The following REV1 variants were observed in gnomAD, a reference collection of about 807,000 sequenced individuals.
REV1 encodes translesion synthesis protein REV1.
Under a neutral mutation model 137.4 loss-of-function variants are expected in REV1, and 42 were observed. The observed-to-expected ratio is 0.31, with a 90% CI of 0.24 to 0.40. The LOEUF (loss-of-function observed/expected upper bound fraction) is 0.40, where lower values mean the gene tolerates loss of function less well. Ranked by LOEUF, REV1 falls within the 10% of genes least tolerant of loss-of-function variation. The probability of loss-of-function intolerance (pLI) is 1.00; values close to 1 mark genes in which losing one functional copy is unlikely to be tolerated. For missense variants in REV1, 1,282 were observed against 1,490.1 expected (o/e 0.86, Z 2.30); for synonymous variants, 524 against 519.2 (o/e 1.01, Z -0.12).
At chr2:99,402,512 T>C (rs1675612600) in intron 21 of REV1, 132 bp downstream of exon 21, 1 of 949,510 alleles carries the variant, frequency 1.1e-6, no homozygotes, top group South Asian at 1.6e-5. Context: ...TTAAAAGATT[T>C]GGGGGTAGCT....
At chr2:99,406,248 T>C (rs1039366766) in intron 16 of REV1, 77 bp downstream of exon 16, 7 of 1,477,982 alleles carry the variant, frequency 4.7e-6, no homozygotes, top group Middle Eastern at 1.8e-4. Flanking sequence ...TAAAGCTGTG[T>C]CAATTTTAAA....
At chr2:99,456,793 TAATG>T (rs1683584131) in intron 3 of REV1, among the ~76,000 whole-genome samples, 1 of 152,210 alleles carries the variant, frequency 6.6e-6, no homozygotes, top group African/African-American at 2.4e-5. Context: ...ATCTGGATCT[TAATG>T]AATGAATATA....
intron 22 of REV1, 69 bp from the exon 23 acceptor site, chr2:99,401,421 T>TA (rs1675383078): frequency 2.8e-6 from 3 of 1,071,784 alleles, no homozygotes; most frequent in Non-Finnish European, 4.1e-6. Context: ...TATTCCTTTT[T>TA]ATATATAAAA....
intron 9 of REV1, among the ~76,000 whole-genome samples, chr2:99,429,457 G>C (rs1264679772): frequency 2.0e-5 from 3 of 151,944 alleles, no homozygotes; most frequent in Non-Finnish European, 4.4e-5. Context: ...CTGAGTATCA[G>C]GAAGTATGGA....
intron 3 of REV1, among the ~76,000 whole-genome samples, chr2:99,458,912 T>A (rs1683831630): frequency 6.6e-6 from 1 of 152,072 alleles, no homozygotes; most frequent in African/African-American, 2.4e-5. Flanking sequence ...ACATGAAAGA[T>A]CTTTGTAGTG....
intron 1 of REV1, among the ~76,000 whole-genome samples, chr2:99,489,142 C>G (rs1007772913): frequency 6.6e-6 from 1 of 152,120 alleles, no homozygotes; most frequent in Non-Finnish European, 1.5e-5. Flanking sequence ...CAGAAGTGGG[C>G]AAGGGGCTCT....
intron 2 of REV1, 120 bp downstream of exon 2, chr2:99,464,802 C>CA: frequency 2.2e-6 from 2 of 915,998 alleles, no homozygotes; most frequent in Non-Finnish European, 3.5e-6. Context: ...TGTGAAAACT[C>CA]AAAGATGTGG....
intron 1 of REV1, among the ~76,000 whole-genome samples, chr2:99,468,047 G>A (rs1182676517): frequency 6.6e-6 from 1 of 152,160 alleles, no homozygotes; most frequent in Admixed American, 6.5e-5. Flanking sequence ...GGGCATGGTG[G>A]CGCATGCCTG....
chr2:99,435,200 C>A lies in REV1; in HGVS notation c.1321+634G>T, dbSNP rs191582822. ...TAAAGTCCTGGTTTTAACACAGCAG[C>A]TTCTGTGCCATAGTGATTCCTTATT... On this transcript the variant is annotated intron_variant, in intron 7 of 22. Transcript: ENST00000258428. Among the ~76,000 whole-genome samples the A allele has an allele frequency of 3.4e-3, 512 of 152,290 alleles. 3 individuals are homozygous for A. The highest frequency in any genetic ancestry group is 0.011 in the African/African-American group (443 of 41,564).
At position 99,404,650 on chromosome 2, in the gene REV1, G is replaced by A. The variant is rs780638082; in HGVS notation, c.2839C>T (p.Pro947Ser). 2.3e-5 allele frequency: 37 copies of A among 1,612,044 alleles called. No homozygotes were observed. The highest frequency in any genetic ancestry group is 3.1e-5 in the Non-Finnish European group (36 of 1,179,540). ...TCTACTTGTTCCCGGAGATCAGGTG[G>A]AAGTGCTTCTAAAACAGACTGATCC... ...QLDQSVLEAL[P>S]PDLREQVEQV... is the part of the protein sequence containing the mutation. Residue 947 changes from proline to serine, a missense_variant, in exon 18 of 23, where the codon CCA becomes TCA. Pro to Ser is a moderately conservative substitution (Grantham distance 74). This residue lies in a region of REV1 where 135 missense variants were observed against 123.3 expected (regional missense o/e 1.10). Coordinates refer to ENST00000258428, the MANE Select transcript of REV1 (RefSeq NM_016316.4).
chr2:99,484,610 T>A (rs554200250), intron 1 of REV1, among the ~76,000 whole-genome samples: 5 of 151,972 alleles, frequency 3.3e-5, no homozygotes, highest in Non-Finnish European at 7.4e-5. Context: ...GAGAAAAACA[T>A]TAATTACGAT....
intron 1 of REV1, among the ~76,000 whole-genome samples, chr2:99,466,090 CG>C (rs771065374): frequency 4.0e-5 from 6 of 149,714 alleles, no homozygotes; most frequent in Non-Finnish European, 5.9e-5. Flanking sequence ...TACAGGTGCC[CG>C]CCACCACGCC....
rs1553550313 is a variant in REV1, at chr2:99,429,747, A to AAATCCACTGGCCTGACTGGCAGGTCTG, written c.1547+92_1547+93insCAGACCTGCCAGTCAGGCCAGTGGATT. ...ACCTCATAACACGTCTGTAACATTTAAATCCACTTCAAAAGATTATAGTTC... is the reference window on the plus strand; with the variant it reads ...ACCTCATAACACGTCTGTAACATTTAAATCCACTGGCCTGACTGGCAGGTCTGAATCCACTTCAAAAGATTATAGTTC... On this transcript the variant is annotated intron_variant, in intron 9 of 22. Transcript: ENST00000258428. 2,181 of 770,180 alleles carry AAATCCACTGGCCTGACTGGCAGGTCTG rather than the reference A, an allele frequency of 2.8e-3. 33 individuals are homozygous for AAATCCACTGGCCTGACTGGCAGGTCTG. In the African/African-American group the frequency reaches 0.037, roughly 13 times the overall value. 47.7% of individuals were successfully genotyped at this position (770,180 alleles called of 1,614,324 possible).
intron 8 of REV1, among the ~76,000 whole-genome samples, chr2:99,432,603 TGACATCAA>T (rs1421962585): frequency 1.3e-5 from 2 of 152,208 alleles, no homozygotes; most frequent in African/African-American, 4.8e-5. Context: ...TAAAAGTAAA[TGACATCAA>T]GTTAAAGTAA....
chr2:99,486,828 A>G (rs1687186991), intron 1 of REV1, among the ~76,000 whole-genome samples: 1 of 152,222 alleles, frequency 6.6e-6, no homozygotes, highest in African/African-American at 2.4e-5. Context: ...CTGGGGATAA[A>G]GCTGTGTACA....
Position 99,401,370 on chromosome 2 carries a change from A to G in REV1, c.3645-18T>C, listed in dbSNP as rs373211992. The G allele has an allele frequency of 4.8e-4, 743 of 1,543,988 alleles. 5 individuals carry two copies. The highest frequency in any genetic ancestry group is 2.5e-4 in the Admixed American group (15 of 59,596). On this transcript the variant is annotated intron_variant, in intron 22 of 22. Transcript: ENST00000258428. ...GCATCAGCCTAAAGGTGGGGAGAGA[A>G]GAAATGTCATTAGGAATTAGGAAAG...
At chr2:99,454,904 C>T (rs1188932460) in intron 3 of REV1, among the ~76,000 whole-genome samples, 2 of 152,148 alleles carry the variant, frequency 1.3e-5, no homozygotes, top group Non-Finnish European at 2.9e-5. Flanking sequence ...CAATTTAGCC[C>T]ACGTTTAGAC....
intron 9 of REV1, chr2:99,424,734 G>T (rs1235325585): frequency 7.7e-7 from 1 of 1,296,572 alleles, no homozygotes; most frequent in South Asian, 1.2e-5. Flanking sequence ...ACAAAACAGT[G>T]CTATGTGACA....
chr2:99,454,487 T>C (rs1183551276), intron 3 of REV1, among the ~76,000 whole-genome samples: 2 of 141,330 alleles, frequency 1.4e-5, no homozygotes, highest in Non-Finnish European at 3.0e-5. Context: ...GTGGCAGAGG[T>C]TGCAGTGAGC....
Sources: allele counts gnomAD v4.1 joint callset (sites outside exome capture counted in the v4.1 genomes callset), GRCh38; gene constraint gnomAD v4.1.1; regional missense constraint gnomAD v4.1.1; transcripts MANE v1.5; gene names NCBI Gene and HGNC (gene_info 2026-07-23, HGNC 2026-07-21).